Variants in PDE10A observed in about 807,000 individuals in gnomAD.
PDE10A encodes phosphodiesterase 10A, also known as cAMP and cAMP-inhibited cGMP 3',5'-cyclic phosphodiesterase 10A.
In PDE10A, 39 loss-of-function variants were observed where a neutral mutation model predicts 97.7. The ratio of observed to expected loss-of-function variants is 0.40; its 90% CI spans 0.31 to 0.52. PDE10A has a LOEUF of 0.52. Ranked by LOEUF, PDE10A falls within the 20% of genes least tolerant of loss-of-function variation. The pLI is 0.56. For synonymous variants in PDE10A, 371 were observed against 376.8 expected, an observed-to-expected ratio of 0.98 and a Z score of 0.18; for missense variants, 731 against 1,047.8, an observed-to-expected ratio of 0.70 and a Z score of 4.17.
intron 1 of PDE10A, among the ~76,000 whole-genome samples, chr6:165,657,288 G>A (rs1176285652): frequency 1.3e-5 from 2 of 152,358 alleles, no homozygotes; most frequent in African/African-American, 4.8e-5. Context: ...GCAAGATTAT[G>A]AGTTCCTCTG....
chr6:165,554,146 T>C (rs1784141989), intron 1 of PDE10A, among the ~76,000 whole-genome samples: 2 of 152,044 alleles, frequency 1.3e-5, no homozygotes, highest in South Asian at 4.1e-4. Flanking sequence ...GCAACCAAAG[T>C]AAACATGGAC....
chr6:165,809,815 G>A (rs80212812), intron 1 of PDE10A, among the ~76,000 whole-genome samples: 158 of 152,310 alleles, frequency 1.0e-3, no homozygotes, highest in African/African-American at 3.6e-3. Flanking sequence ...GGAACGGGCG[G>A]CATCAGGGAT....
intron 1 of PDE10A, among the ~76,000 whole-genome samples, chr6:165,897,499 C>T (rs1781986145): frequency 1.3e-5 from 2 of 151,880 alleles, no homozygotes; most frequent in South Asian, 2.1e-4. Flanking sequence ...GAGTGAGGTC[C>T]CTGGAGGGGA....
chr6:165,885,369 A>C (rs144384934), intron 1 of PDE10A, among the ~76,000 whole-genome samples: 34 of 152,316 alleles, frequency 2.2e-4, no homozygotes, highest in African/African-American at 7.7e-4. Flanking sequence ...GAAGCGCCAC[A>C]CTTTAAAACC....
intron 1 of PDE10A, among the ~76,000 whole-genome samples, chr6:165,957,686 C>T (rs139295308): frequency 2.6e-3 from 394 of 152,282 alleles, no homozygotes; most frequent in Non-Finnish European, 2.7e-3. Flanking sequence ...AATGAAGGTG[C>T]TGTGCTTGGG....
At chr6:165,739,771 G>A (rs1224552085) in intron 1 of PDE10A, among the ~76,000 whole-genome samples, 1 of 152,076 alleles carries the variant, frequency 6.6e-6, no homozygotes, top group Non-Finnish European at 1.5e-5. Flanking sequence ...CAGCTAAATG[G>A]CAAGAAAACA....
intron 1 of PDE10A, among the ~76,000 whole-genome samples, chr6:165,565,116 A>G (rs968932580): frequency 1.3e-5 from 2 of 152,226 alleles, no homozygotes; most frequent in African/African-American, 4.8e-5. Context: ...GCAATAAGAC[A>G]AGAATAGAGA....
chr6:165,458,669 GCA>G (rs140253132), intron 3 of PDE10A, among the ~76,000 whole-genome samples: 4 of 150,498 alleles, frequency 2.7e-5, no homozygotes, highest in South Asian at 2.1e-4. Context: ...ACAGGCGCAC[GCA>G]CACACACACA....
chr6:165,517,128 A>G (rs2128305728), intron 2 of PDE10A, among the ~76,000 whole-genome samples: 1 of 152,328 alleles, frequency 6.6e-6, no homozygotes, highest in Middle Eastern at 3.4e-3. Context: ...ATTACATAAG[A>G]TATTAGAAAC....
intron 1 of PDE10A, among the ~76,000 whole-genome samples, chr6:165,937,679 T>C (rs1216686470): frequency 6.6e-6 from 1 of 152,190 alleles, no homozygotes; most frequent in African/African-American, 2.4e-5. Context: ...ACAGTGAACA[T>C]TTTGGCCACT....
intron 1 of PDE10A, among the ~76,000 whole-genome samples, chr6:165,694,962 C>T (rs1399920414): frequency 2.0e-5 from 3 of 152,170 alleles, no homozygotes; most frequent in Non-Finnish European, 2.9e-5. Context: ...TCCTCTCTCC[C>T]GCCCCAGGAA....
intron 18 of PDE10A, among the ~76,000 whole-genome samples, chr6:165,351,665 C>T (rs1393168145): frequency 6.6e-6 from 1 of 152,122 alleles, no homozygotes. Context: ...GACATTCCAT[C>T]ATTGCAACAA....
At chr6:165,787,124 C>A (rs1037046954) in intron 1 of PDE10A, among the ~76,000 whole-genome samples, 2 of 152,000 alleles carry the variant, frequency 1.3e-5, no homozygotes, top group Middle Eastern at 3.4e-3. Context: ...TAAGCTCTCT[C>A]TTAAAGAAGC....
chr6:165,672,753 TA>T (rs1192862656), intron 1 of PDE10A, among the ~76,000 whole-genome samples: 3 of 152,316 alleles, frequency 2.0e-5, no homozygotes, highest in Admixed American at 6.5e-5. Flanking sequence ...ATGAGTCCAT[TA>T]AACCTCTTCT....
intron 1 of PDE10A, among the ~76,000 whole-genome samples, chr6:165,844,399 G>A (rs967981892): frequency 1.3e-5 from 2 of 152,326 alleles, no homozygotes; most frequent in Middle Eastern, 3.4e-3. Context: ...GAAGGCTTCA[G>A]AGAAAAGTGT....
At chr6:165,374,464 T>C (rs578038583) in intron 18 of PDE10A, among the ~76,000 whole-genome samples, 1 of 152,016 alleles carries the variant, frequency 6.6e-6, no homozygotes, top group Non-Finnish European at 1.5e-5. Context: ...AAAGCTGATA[T>C]ATAAAAAAGT....
chr6:165,817,704 C>T (rs1779457182), intron 1 of PDE10A, among the ~76,000 whole-genome samples: 1 of 152,140 alleles, frequency 6.6e-6, no homozygotes, highest in Non-Finnish European at 1.5e-5. Context: ...TTGGGAAACC[C>T]TGCCTTTGGA....
intron 1 of PDE10A, among the ~76,000 whole-genome samples, chr6:165,677,102 T>C (rs1467871411): frequency 6.6e-6 from 1 of 152,266 alleles, no homozygotes; most frequent in African/African-American, 2.4e-5. Context: ...AATCCCAGTC[T>C]AGATGTTGCT....
intron 1 of PDE10A, among the ~76,000 whole-genome samples, chr6:165,946,425 C>T (rs531503281): frequency 2.7e-5 from 4 of 150,856 alleles, no homozygotes; most frequent in East Asian, 1.9e-4. Flanking sequence ...AACCAGGAGG[C>T]GGAGCTTGCA....
Sources: allele counts gnomAD v4.1 joint callset (sites outside exome capture counted in the v4.1 genomes callset), GRCh38; gene constraint gnomAD v4.1.1; transcripts MANE v1.5; gene names NCBI Gene and HGNC (gene_info 2026-07-23, HGNC 2026-07-21).